Variants in PEBP4 observed in about 807,000 individuals in gnomAD.
PEBP4 encodes phosphatidylethanolamine-binding protein 4.
A neutral mutation model predicts 23.9 loss-of-function variants in PEBP4; 22 were observed. That is an observed-to-expected ratio of 0.92 (90% CI 0.66 to 1.31). The LOEUF (loss-of-function observed/expected upper bound fraction) is 1.31. Ranked by LOEUF, PEBP4 falls within the 40% of genes most tolerant of loss-of-function variation. The probability of loss-of-function intolerance (pLI) is 0.00; values close to 1 mark genes in which losing one functional copy is unlikely to be tolerated. For missense variants in PEBP4, 324 were observed against 281.7 expected, an observed-to-expected ratio of 1.15 and a Z score of -1.07; for synonymous variants, 112 against 99.3, an observed-to-expected ratio of 1.13 and a Z score of -0.76.
rs1366716041 is a variant in PEBP4 at position 22,713,332 on chromosome 8, G to C, written c.*38C>G. 6.5e-7 allele frequency: 1 copy of C among 1,541,334 alleles called. No homozygotes were observed. The highest frequency in any genetic ancestry group is 2.0e-5 in the Admixed American group (1 of 48,930). Reference sequence around the variant, plus strand: ...TCCATACCCACATCGTCGGTGGTGGGCAGTGTGGCCACATGCCCGGATGGC... The same window carrying C: ...TCCATACCCACATCGTCGGTGGTGGCCAGTGTGGCCACATGCCCGGATGGC... On this transcript the variant is annotated 3_prime_UTR_variant, in exon 7 of 7. Transcript: ENST00000256404.
chr8:22,851,745 C>T (rs559839991), intron 3 of PEBP4, among the ~76,000 whole-genome samples: 3 of 152,052 alleles, frequency 2.0e-5, no homozygotes, highest in East Asian at 3.9e-4. Context: ...AAAGCACAAG[C>T]GAGGACTTGG....
chr8:22,814,796 T>C (rs2128761306), intron 4 of PEBP4, among the ~76,000 whole-genome samples: 1 of 152,320 alleles, frequency 6.6e-6, no homozygotes. Context: ...CCTAGTGTGT[T>C]TTATTTAACA....
At chr8:22,791,878 A>G (rs984581653) in intron 4 of PEBP4, among the ~76,000 whole-genome samples, 1 of 151,086 alleles carries the variant, frequency 6.6e-6, no homozygotes, top group Non-Finnish European at 1.5e-5. Context: ...TTTTTTTTAG[A>G]CAGGGTCTCA....
chr8:22,735,094 T>C (rs527313341), intron 4 of PEBP4, among the ~76,000 whole-genome samples: 12 of 152,250 alleles, frequency 7.9e-5, no homozygotes, highest in African/African-American at 2.9e-4. Context: ...GCTGGTGAGA[T>C]GGGTAGATGA....
intron 3 of PEBP4, among the ~76,000 whole-genome samples, chr8:22,859,481 T>C (rs11135682): frequency 0.71 from 108,345 of 152,016 alleles, 39,788 homozygotes; most frequent in South Asian, 0.82. Flanking sequence ...TGCAGTGGGC[T>C]GTCTCTGGCC....
intron 3 of PEBP4, among the ~76,000 whole-genome samples, chr8:22,894,674 G>A (rs10098243): frequency 0.012 from 1,854 of 152,278 alleles, 44 homozygotes; most frequent in African/African-American, 0.042. Context: ...AATCTCCCAC[G>A]GTTTGTAGTT....
At chr8:22,751,596 GTGTGTGTGTGTGTC>G (rs1805261837) in intron 4 of PEBP4, among the ~76,000 whole-genome samples, 1 of 136,128 alleles carries the variant, frequency 7.3e-6, no homozygotes, top group African/African-American at 2.7e-5. Flanking sequence ...GTCTGTGTGT[GTGTGTGTGTGTGTC>G]TGTGTGTGTG....
intron 2 of PEBP4, among the ~76,000 whole-genome samples, chr8:22,926,438 G>T (rs2954161): frequency 0.25 from 38,082 of 151,842 alleles, 5,343 homozygotes; most frequent in East Asian, 0.45. Context: ...TTGACCTCCT[G>T]GGTTTAAGCG....
At chr8:22,877,431 C>A (rs1208371366) in intron 3 of PEBP4, among the ~76,000 whole-genome samples, 1 of 152,214 alleles carries the variant, frequency 6.6e-6, no homozygotes, top group Non-Finnish European at 1.5e-5. Context: ...TTTGCCCTGA[C>A]TCCAGTAGCC....
chr8:22,827,458 C>T (rs1044545153), intron 3 of PEBP4, among the ~76,000 whole-genome samples: 1 of 152,124 alleles, frequency 6.6e-6, no homozygotes, highest in African/African-American at 2.4e-5. Context: ...TCCTTTTTGC[C>T]CTTCCTGGAC....
rs150062433 is a variant in PEBP4 at position 22,881,036 on chromosome 8, T to C, written c.258+39148A>G. Among the ~76,000 whole-genome samples, 195 of 152,306 alleles carry C rather than the reference T, an allele frequency of 1.3e-3. 1 individual carries two copies. Among genetic ancestry groups the C allele is most frequent in the African/African-American group, 4.5e-3 (187 of 41,574 alleles). On this transcript the variant is annotated intron_variant, in intron 3 of 6. Coordinates refer to ENST00000256404, the MANE Select transcript of PEBP4 (RefSeq NM_144962.3). The stretch of plus-strand genomic sequence containing the variant: ...CCCAGGCTTCCCAGATCCTCTGGAT[T>C]TAGTTTGGGTTGAGCCATCTAGAGG...
intron 3 of PEBP4, among the ~76,000 whole-genome samples, chr8:22,827,807 A>G (rs957194857): frequency 6.6e-6 from 1 of 152,242 alleles, no homozygotes; most frequent in Non-Finnish European, 1.5e-5. Context: ...AGAAACTACC[A>G]AACTGTTTTT....
intron 3 of PEBP4, among the ~76,000 whole-genome samples, chr8:22,857,954 C>A (rs1006472764): frequency 6.6e-6 from 1 of 152,102 alleles, no homozygotes; most frequent in Non-Finnish European, 1.5e-5. Context: ...GTGTGTTGGG[C>A]GATGCTTCAC....
chr8:22,732,634 TTGTGTG>T lies in PEBP4; in HGVS notation c.358-5420_358-5415del, dbSNP rs61376190. Among the ~76,000 whole-genome samples the T allele has an allele frequency of 4.6e-3, 683 of 149,150 alleles. 2 individuals carry two copies. The highest frequency in any genetic ancestry group is 0.013 in the South Asian group (62 of 4,726). On this transcript the variant is annotated intron_variant, in intron 4 of 6. Transcript: ENST00000256404. ...CCTTTTTCCTAGAAGCTGGCCCCAT[TTGTGTG>T]TGTGTGTGTGTGTGTGTGTGTGTGT... is the stretch of plus-strand genomic sequence containing the variant.
rs543576899 is a variant in PEBP4, at chr8:22,819,105, T to C, written c.259-1370A>G. Among the ~76,000 whole-genome samples, 11 of 152,266 alleles carry C rather than the reference T, an allele frequency of 7.2e-5. No individual in the cohort carries two copies. The South Asian group carries it at 2.1e-3, about 29-fold the overall frequency. ...ACTGGGTGAATAAATTTGGTAGTCA[T>C]TGATATAGAGATGGCCTTTAAATCA... On this transcript the variant is annotated intron_variant, in intron 3 of 6. Coordinates refer to ENST00000256404, the MANE Select transcript of PEBP4 (RefSeq NM_144962.3).
At chr8:22,860,906 A>C in intron 3 of PEBP4, among the ~76,000 whole-genome samples, 1 of 152,218 alleles carries the variant, frequency 6.6e-6, no homozygotes, top group Non-Finnish European at 1.5e-5. Flanking sequence ...CACGAGGTCT[A>C]CTTAATGGTT....
intron 4 of PEBP4, among the ~76,000 whole-genome samples, chr8:22,731,653 CTATTTATTTATT>C (rs540388014): frequency 7.6e-6 from 1 of 131,518 alleles, no homozygotes; most frequent in Non-Finnish European, 1.6e-5. Context: ...ATCTATCTAT[CTATTTATTTATT>C]TATTTATTTT....
At chr8:22,758,551 T>C (rs1585257551) in intron 4 of PEBP4, among the ~76,000 whole-genome samples, 1 of 152,164 alleles carries the variant, frequency 6.6e-6, no homozygotes, top group Admixed American at 6.5e-5. Flanking sequence ...AGTTTGGAAA[T>C]GGACAGAAAA....
chr8:22,898,972 T>G (rs1315345822), intron 3 of PEBP4, among the ~76,000 whole-genome samples: 1 of 152,162 alleles, frequency 6.6e-6, no homozygotes, highest in Non-Finnish European at 1.5e-5. Flanking sequence ...CTGCTGTGGA[T>G]AGTTCCAAGG....
Sources: gnomAD v4.1 joint callset for allele counts (sites outside exome capture counted in the v4.1 genomes callset) on GRCh38, gnomAD v4.1.1 for gene constraint, MANE v1.5 for transcripts, NCBI Gene and HGNC (gene_info 2026-07-23, HGNC 2026-07-21) for gene names.